The following PGAP1 variants were observed in gnomAD, a reference collection of about 807,000 sequenced individuals.
The protein encoded by PGAP1 is GPI inositol-deacylase.
PGAP1 carries 76 observed loss-of-function variants against 127.0 expected under a neutral mutation model. That is an observed-to-expected ratio of 0.60 (90% CI 0.50 to 0.72). The LOEUF (loss-of-function observed/expected upper bound fraction) is 0.72, where lower values mean the gene tolerates loss of function less well. Among genes scored for constraint, PGAP1 ranks in the 30% least tolerant of loss-of-function variants. The probability of loss-of-function intolerance (pLI) is 0.00; values close to 1 mark genes in which losing one functional copy is unlikely to be tolerated. For synonymous variants in PGAP1, 362 were observed against 366.5 expected, an observed-to-expected ratio of 0.99 and a Z score of 0.14; for missense variants, 982 against 1,071.3, an observed-to-expected ratio of 0.92 and a Z score of 1.16.
chr2:196,868,536 A>C (rs1701314886), intron 19 of PGAP1, among the ~76,000 whole-genome samples: 1 of 152,190 alleles, frequency 6.6e-6, no homozygotes, highest in Non-Finnish European at 1.5e-5. Context: ...GAAAAATTAA[A>C]ATATTTCATC....
chr2:196,857,981 A>G (rs1391650317), intron 20 of PGAP1, among the ~76,000 whole-genome samples: 1 of 152,170 alleles, frequency 6.6e-6, no homozygotes, highest in Non-Finnish European at 1.5e-5. Context: ...CCTATTACAA[A>G]TAAACATCAT....
Position 196,845,911 on chromosome 2 carries a change from G to A in PGAP1, c.2257C>T (p.Leu753Phe), listed in dbSNP as rs201254699. The change falls in exon 23 of 27, where the codon CTT becomes TTT. Residue 753 changes from leucine to phenylalanine, a missense_variant. Physicochemically the swap from Leu to Phe is conservative, Grantham distance 22. Transcript: ENST00000354764. ...SWTTCGALAI[L>F]LSYLYYVFKV... ...AACACATAGTAAAGATAAGAAAGAA[G>A]TATGGCTAGTGCTCCACAAGTTGTC... 6.2e-7 allele frequency: 1 copy of A among 1,608,522 alleles called. No homozygotes were observed. The highest frequency in any genetic ancestry group is 2.2e-5 in the East Asian group (1 of 44,632).
chr2:196,871,047 G>C, intron 18 of PGAP1, 68 bp from the exon 19 acceptor site: 1 of 1,105,148 alleles, frequency 9.0e-7, no homozygotes, highest in Non-Finnish European at 1.4e-6. Flanking sequence ...TTATTAAATT[G>C]AGCACTTATG....
chr2:196,886,253 T>A (rs1362979766), intron 10 of PGAP1, among the ~76,000 whole-genome samples: 3 of 149,020 alleles, frequency 2.0e-5, no homozygotes, highest in Non-Finnish European at 4.4e-5. Context: ...CTCCTCCTCC[T>A]GGGTTCAAGT....
In PGAP1 at chr2:196,838,627, T is replaced by C. The variant is rs1386786381; in HGVS notation, c.*2607A>G. ...TTGATTATAAAATGTTTAATTAGAA[T>C]CATTTTTGTAGTCCTTAAAATGAAA... On this transcript the variant is annotated 3_prime_UTR_variant, in exon 27 of 27. Coordinates refer to ENST00000354764, the MANE Select transcript of PGAP1 (RefSeq NM_024989.4). 2 of 152,252 alleles carry C rather than the reference T, an allele frequency of 1.3e-5. No homozygotes were observed. The highest frequency in any genetic ancestry group is 4.8e-5 in the African/African-American group (2 of 41,468). The allele number at this position is 152,252 out of a possible 1,614,324, so 9.4% of individuals were successfully genotyped here.
chr2:196,922,577 GACACACACAC>G lies in PGAP1; in HGVS notation c.148-2437_148-2428del, dbSNP rs59881211. Reference sequence around the variant, plus strand: ...CATACTGCTAACACACACACACACAGACACACACACACACACACACACACACACACACACA... The same window carrying G: ...CATACTGCTAACACACACACACACAGACACACACACACACACACACACACA... On this transcript the variant is annotated intron_variant, in intron 1 of 26. Coordinates refer to ENST00000354764, the MANE Select transcript of PGAP1 (RefSeq NM_024989.4). 4.7e-3 allele frequency: 1,817 copies of G among 388,184 alleles called. 6 individuals carry two copies. Among genetic ancestry groups the G allele is most frequent in the East Asian group, 0.026 (143 of 5,554 alleles). 24.0% of individuals were successfully genotyped at this position (388,184 alleles called of 1,614,324 possible). A position where few individuals can be genotyped will look rare whatever the true frequency, so the allele number is the denominator to read the frequency against.
intron 4 of PGAP1, among the ~76,000 whole-genome samples, chr2:196,912,091 G>C (rs925136059): frequency 6.6e-6 from 1 of 152,068 alleles, no homozygotes; most frequent in Non-Finnish European, 1.5e-5. Flanking sequence ...CCTACCTCAT[G>C]GGACTGCAGT....
At chr2:196,870,303 T>A (rs1310915791) in intron 19 of PGAP1, among the ~76,000 whole-genome samples, 1 of 150,758 alleles carries the variant, frequency 6.6e-6, no homozygotes, top group African/African-American at 2.4e-5. Context: ...TTCTTTCTTT[T>A]TTTTTTTTTT....
rs192045059 is a variant in PGAP1 at position 196,924,172 on chromosome 2, G to A, written c.147+2298C>T. Among the ~76,000 whole-genome samples the A allele has an allele frequency of 7.3e-3, 1,106 of 152,112 alleles. 5 individuals carry two copies. Among genetic ancestry groups the A allele is most frequent in the Middle Eastern group, 0.02 (6 of 294 alleles). ...TTATGCCCCATCTTTTAAAAAAATG[G>A]ATAATAAAACTGAATGTGTTTCAAC... On this transcript the variant is annotated intron_variant, in intron 1 of 26. Transcript: ENST00000354764.
At chr2:196,923,200 CGATT>C (rs1407858136) in intron 1 of PGAP1, among the ~76,000 whole-genome samples, 3 of 151,968 alleles carry the variant, frequency 2.0e-5, no homozygotes, top group Non-Finnish European at 4.4e-5. Context: ...ATATGTTTAT[CGATT>C]ATTTTTTAGT....
At chr2:196,921,299 G>C (rs1482259279) in intron 1 of PGAP1, among the ~76,000 whole-genome samples, 1 of 151,788 alleles carries the variant, frequency 6.6e-6, no homozygotes, top group Non-Finnish European at 1.5e-5. Flanking sequence ...AGAAACATCT[G>C]CAGAGACTGT....
intron 19 of PGAP1, among the ~76,000 whole-genome samples, chr2:196,867,997 A>C (rs1576123912): frequency 6.6e-6 from 1 of 152,234 alleles, no homozygotes; most frequent in African/African-American, 2.4e-5. Context: ...TACTCTACTT[A>C]TCGAGAGTTA....
At chr2:196,912,033 C>A (rs960400721) in intron 4 of PGAP1, among the ~76,000 whole-genome samples, 2 of 152,124 alleles carry the variant, frequency 1.3e-5, no homozygotes, top group African/African-American at 4.8e-5. Context: ...TGGGCAAGAA[C>A]GTTATCTTGG....
chr2:196,891,595 T>C (rs1297185875), intron 9 of PGAP1, among the ~76,000 whole-genome samples: 1 of 152,142 alleles, frequency 6.6e-6, no homozygotes, highest in Non-Finnish European at 1.5e-5. Context: ...CAACTCACCA[T>C]TCTGATAATG....
At chr2:196,860,358 C>T (rs1331190544) in intron 20 of PGAP1, among the ~76,000 whole-genome samples, 1 of 151,944 alleles carries the variant, frequency 6.6e-6, no homozygotes, top group African/African-American at 2.4e-5. Context: ...ATGGTGAAAC[C>T]CCATCTCTAC....
At chr2:196,888,421 C>A (rs16859173) in intron 10 of PGAP1, among the ~76,000 whole-genome samples, 17,203 of 152,064 alleles carry the variant, frequency 0.11, 1,253 homozygotes, top group African/African-American at 0.21. Context: ...AATAGGCGAT[C>A]CACAGCTCTA....
In PGAP1 at chr2:196,837,842, G is replaced by C. The variant is rs1024926577; in HGVS notation, c.*3392C>G. 3 of 152,006 alleles carry C rather than the reference G, an allele frequency of 2.0e-5. No individual in the cohort carries two copies. The highest frequency in any genetic ancestry group is 7.3e-5 in the African/African-American group (3 of 41,374). The allele number at this position is 152,006 out of a possible 1,614,324, so 9.4% of individuals were successfully genotyped here. A position where few individuals can be genotyped will look rare whatever the true frequency, so the allele number is the denominator to read the frequency against. Reference sequence around the variant, plus strand: ...TCAAGAAGGGGTATTCCATTATATAGATCTGAATTTGTCTAGCCAAAATAT... The same window carrying C: ...TCAAGAAGGGGTATTCCATTATATACATCTGAATTTGTCTAGCCAAAATAT... On this transcript the variant is annotated 3_prime_UTR_variant, in exon 27 of 27. Transcript: ENST00000354764.
At chr2:196,853,913 T>G (rs981947653) in intron 20 of PGAP1, among the ~76,000 whole-genome samples, 3 of 146,996 alleles carry the variant, frequency 2.0e-5, no homozygotes, top group Non-Finnish European at 4.5e-5. Flanking sequence ...AAGATGAATT[T>G]TTTTTTTTTT....
intron 19 of PGAP1, among the ~76,000 whole-genome samples, chr2:196,869,088 C>T (rs942921966): frequency 6.6e-6 from 1 of 152,136 alleles, no homozygotes; most frequent in Non-Finnish European, 1.5e-5. Flanking sequence ...TGTACATCCT[C>T]AGTCTTTAGA....
Sources: gnomAD v4.1 joint callset for allele counts (sites outside exome capture counted in the v4.1 genomes callset) on GRCh38, gnomAD v4.1.1 for gene constraint, MANE v1.5 for transcripts, NCBI Gene and HGNC (gene_info 2026-07-23, HGNC 2026-07-21) for gene names.